Variants in ANKRD26 observed in about 807,000 individuals in gnomAD.
ANKRD26 encodes the protein ankyrin repeat domain 26, also known as ankyrin repeat domain-containing protein 26.
A neutral mutation model predicts 208.7 loss-of-function variants in ANKRD26; 141 were observed. The ratio of observed to expected loss-of-function variants is 0.68; its 90% confidence interval spans 0.59 to 0.78. The LOEUF (loss-of-function observed/expected upper bound fraction) is 0.78. Ranked by LOEUF, ANKRD26 falls within the 30% of genes least tolerant of loss-of-function variation. The pLI is 0.00. For synonymous variants in ANKRD26, 636 were observed against 660.4 expected (o/e 0.96, Z 0.57); for missense variants, 1,889 against 1,938.7 (o/e 0.97, Z 0.48).
chr10:26,958,790 CA>C, the ANKRD26 span, among the ~76,000 whole-genome samples: 1 of 152,156 alleles, frequency 6.6e-6, no homozygotes, highest in African/African-American at 2.4e-5. Flanking sequence ...TGTCTCTTTA[CA>C]ACAGAATGAT....
chr10:27,033,082 CAAAA>C, intron 25 of ANKRD26, 139 bp downstream of exon 25: 6 of 342,430 alleles, frequency 1.8e-5, no homozygotes, highest in Middle Eastern at 1.1e-3. Flanking sequence ...GACTCCATCT[CAAAA>C]AAAAAAAAAA....
Position 27,004,483 on chromosome 10 carries a change from CA to C in ANKRD26, c.*1106del, listed in dbSNP as rs964867024. 107 of 152,118 alleles carry C rather than the reference CA, an allele frequency of 7.0e-4. No homozygotes were observed. The highest frequency in any genetic ancestry group is 2.4e-3 in the African/African-American group (98 of 41,482). The allele number at this position is 152,118 out of a possible 1,614,324, so 9.4% of individuals were successfully genotyped here. On this transcript the variant is annotated 3_prime_UTR_variant, in exon 34 of 34. Coordinates refer to ENST00000376087, the MANE Select transcript of ANKRD26 (RefSeq NM_014915.3). The stretch of plus-strand genomic sequence containing the variant: ...CTCCCTGTAAAATACTAATTAACCA[CA>C]AGGTGAAAAAATAACATTACAGAGG...
rs150957861 is a variant in ANKRD26, at chr10:27,046,145, G to A, written c.1985+208C>T. 6.8e-4 allele frequency: 379 copies of A among 559,506 alleles called. 4 individuals are homozygous for A. Among genetic ancestry groups the A allele is most frequent in the South Asian group, 5.5e-3 (249 of 44,874 alleles). 34.7% of individuals were successfully genotyped at this position (559,506 alleles called of 1,614,324 possible). A position where few individuals can be genotyped will look rare whatever the true frequency, so the allele number is the denominator to read the frequency against. On this transcript the variant is annotated intron_variant, in intron 18 of 33. Transcript: ENST00000376087. ...CTCAGTCCAAGTTCTCTCAAACGCC[G>A]TCTGTGCCCATCCACTATAGTCAGG...
rs1265530290 is a variant in ANKRD26, at chr10:27,099,434, ATTTC to A, written c.242+647_242+650del. Among the ~76,000 whole-genome samples the A allele has an allele frequency of 6.6e-5, 10 of 152,100 alleles. 1 individual carries two copies. The East Asian group carries it at 1.2e-3, about 18-fold the overall frequency. On this transcript the variant is annotated intron_variant, in intron 1 of 33. Coordinates refer to ENST00000376087, the MANE Select transcript of ANKRD26 (RefSeq NM_014915.3). ...TATATCTATTTCCTAAAGGCATTTT[ATTTC>A]TTTTTCTTTTTGAAAGATAGGGTCT...
intron 25 of ANKRD26, among the ~76,000 whole-genome samples, chr10:27,030,054 G>A (rs1251062456): frequency 1.3e-5 from 2 of 152,198 alleles, no homozygotes; most frequent in African/African-American, 4.8e-5. Flanking sequence ...ACTTAGATGA[G>A]TACATGGCAT....
the ANKRD26 span, among the ~76,000 whole-genome samples, chr10:26,958,811 T>G: frequency 6.6e-6 from 1 of 152,214 alleles, no homozygotes; most frequent in African/African-American, 2.4e-5. Context: ...TTTATATCCT[T>G]CTGGGTATAT....
the ANKRD26 span, among the ~76,000 whole-genome samples, chr10:26,959,277 C>CAAA: frequency 1.4e-5 from 1 of 69,484 alleles, no homozygotes; most frequent in Admixed American, 1.7e-4. Context: ...GATTGTGTCT[C>CAAA]AAAAAAAAAA....
At chr10:27,022,743 A>C in intron 28 of ANKRD26, 56 bp from the exon 29 acceptor site, 1 of 1,474,006 alleles carries the variant, frequency 6.8e-7, no homozygotes, top group Non-Finnish European at 9.3e-7. Flanking sequence ...ACATTTAATA[A>C]TTATTTAAAC....
chr10:27,027,253 G>T (rs190996611), intron 27 of ANKRD26, among the ~76,000 whole-genome samples: 42 of 152,214 alleles, frequency 2.8e-4, no homozygotes, highest in Admixed American at 1.1e-3. Context: ...ATTACTTTGG[G>T]GGAAAAGAAT....
chr10:27,036,236 A>T (rs535535305), intron 23 of ANKRD26, among the ~76,000 whole-genome samples: 1 of 152,112 alleles, frequency 6.6e-6, no homozygotes, highest in East Asian at 1.9e-4. Flanking sequence ...ACATCTTTAT[A>T]GTCAGTTATC....
downstream of ANKRD26, among the ~76,000 whole-genome samples, chr10:26,987,951 C>T (rs1277340334): frequency 2.0e-5 from 3 of 152,160 alleles, no homozygotes; most frequent in East Asian, 5.8e-4. Flanking sequence ...CTGGTGATCA[C>T]TAGGTTTCTG....
intron 29 of ANKRD26, among the ~76,000 whole-genome samples, chr10:27,018,669 C>T (rs1244973177): frequency 1.3e-5 from 2 of 151,984 alleles, no homozygotes; most frequent in Non-Finnish European, 2.9e-5. Context: ...GAATAAAGAA[C>T]CTAGAAATAA....
intron 25 of ANKRD26, among the ~76,000 whole-genome samples, chr10:27,031,664 A>G (rs2053867306): frequency 6.6e-6 from 1 of 152,210 alleles, no homozygotes; most frequent in Admixed American, 6.5e-5. Context: ...GAGACACTGA[A>G]TTGTACACCT....
chr10:27,059,907 A>C (rs1447556611), intron 15 of ANKRD26, among the ~76,000 whole-genome samples: 1 of 150,726 alleles, frequency 6.6e-6, no homozygotes, highest in Admixed American at 6.6e-5. Context: ...AACAAAAAAC[A>C]AAAAACAAAA....
At chr10:27,029,086 T>C (rs1249841977) in intron 26 of ANKRD26, 141 bp from the exon 27 acceptor site, 5 of 1,003,004 alleles carry the variant, frequency 5.0e-6, no homozygotes, top group South Asian at 1.6e-5. Context: ...TCTATCGTTT[T>C]TCTAGTTGTG....
At chr10:27,086,768 G>GT (rs36035101) in intron 4 of ANKRD26, among the ~76,000 whole-genome samples, 159 bp from the exon 5 acceptor site, 8,023 of 96,904 alleles carry the variant, frequency 0.083, 1,302 homozygotes, top group African/African-American at 0.27. Flanking sequence ...AAACTTTTTT[G>GT]TTTTTTTTTT....
chr10:27,073,082 G>C (rs1195947699), intron 9 of ANKRD26, among the ~76,000 whole-genome samples: 2 of 152,162 alleles, frequency 1.3e-5, no homozygotes, highest in Non-Finnish European at 2.9e-5. Flanking sequence ...CCAGGGGAAG[G>C]AATGCACCAC....
intron 9 of ANKRD26, among the ~76,000 whole-genome samples, chr10:27,074,957 A>G (rs12774750): frequency 0.12 from 17,900 of 152,062 alleles, 1,183 homozygotes; most frequent in East Asian, 0.28. Context: ...GAAAAAAATC[A>G]TCAGCCAAGA....
chr10:27,033,302 C>T lies in ANKRD26; in HGVS notation c.3730G>A (p.Val1244Ile). ...AAATTAATACGATAACGTGACGTAACCTCCAGTGAAGCCTCTGACATAGAT... is the reference window on the plus strand; with the variant it reads ...AAATTAATACGATAACGTGACGTAATCTCCAGTGAAGCCTCTGACATAGAT... ...KQSMSEASLE[V>I]TSRYRINLED... Residue 1244 changes from valine to isoleucine, a missense_variant, in exon 25 of 34, where the codon GTT (valine) becomes ATT (isoleucine). This residue lies in a region of ANKRD26 where 613 missense variants were observed against 648.2 expected (regional missense o/e 0.95). Transcript: ENST00000376087. The T allele has an allele frequency of 6.2e-7, 1 of 1,612,770 alleles. No individual in the cohort carries two copies. Among genetic ancestry groups the T allele is most frequent in the East Asian group, 2.2e-5 (1 of 44,766 alleles).
Sources: allele counts gnomAD v4.1 joint callset (sites outside exome capture counted in the v4.1 genomes callset), GRCh38; gene constraint gnomAD v4.1.1; regional missense constraint gnomAD v4.1.1; transcripts MANE v1.5; gene names NCBI Gene and HGNC (gene_info 2026-07-23, HGNC 2026-07-21).